The following PNKD variants were observed in gnomAD, a reference collection of about 807,000 sequenced individuals.
PNKD encodes probable thioesterase PNKD.
In PNKD, 36 loss-of-function variants were observed where a neutral mutation model predicts 45.3. The observed-to-expected ratio is 0.80, with a 90% CI of 0.61 to 1.05. The LOEUF (loss-of-function observed/expected upper bound fraction) is 1.05, where lower values mean the gene tolerates loss of function less well. PNKD is among the 50% of genes least tolerant of loss of function. The pLI, the probability that PNKD is intolerant of heterozygous loss-of-function variation, is 0.00. For missense variants in PNKD, 511 were observed against 506.6 expected (o/e 1.01, Z -0.08); for synonymous variants, 197 against 210.1 (o/e 0.94, Z 0.54).
At chr2:218,304,951 T>C in intron 2 of PNKD, among the ~76,000 whole-genome samples, 1 of 151,984 alleles carries the variant, frequency 6.6e-6, no homozygotes, top group East Asian at 1.9e-4. Context: ...CGGGCACCTG[T>C]AGTCCCAGCT....
At chr2:218,335,482 G>GA (rs895615590) in intron 2 of PNKD, among the ~76,000 whole-genome samples, 6 of 148,592 alleles carry the variant, frequency 4.0e-5, no homozygotes, top group South Asian at 4.2e-4. Context: ...ACTCCATCTG[G>GA]AAAAAAAAAA....
chr2:218,323,048 C>G (rs995327640), intron 2 of PNKD: 5 of 593,960 alleles, frequency 8.4e-6, no homozygotes, highest in Admixed American at 9.4e-5. Flanking sequence ...GGCCGCCAGC[C>G]GGGCGGAGCC....
rs758994100 is a variant in PNKD at position 218,341,984 on chromosome 2, C to T, written c.621C>T (p.Pro207=). ...CCCCTGCTCCCTTGTTCCCCAGTCC[C>T]CTGTGTCATCAAGATGTGGTCAGCG... ...PQDGIPYLTH[P]LCHQDVVSVG... is the part of the protein sequence containing the mutation. The change falls in exon 7 of 10, where the codon CCC becomes CCT. Residue 207 remains proline (P), a synonymous_variant. Coordinates refer to ENST00000273077, the MANE Select transcript of PNKD (RefSeq NM_015488.5). 1 of 1,612,642 alleles carries T rather than the reference C, an allele frequency of 6.2e-7. No homozygotes were observed. Among genetic ancestry groups the T allele is most frequent in the South Asian group, 1.1e-5 (1 of 91,054 alleles).
At chr2:218,313,874 C>G (rs1693684281) in intron 2 of PNKD, among the ~76,000 whole-genome samples, 1 of 147,818 alleles carries the variant, frequency 6.8e-6, no homozygotes, top group Non-Finnish European at 1.5e-5. Context: ...AAAATCAAAT[C>G]TCGTTGTTTA....
chr2:218,307,371 C>A (rs1046483880), intron 2 of PNKD, among the ~76,000 whole-genome samples: 6 of 152,136 alleles, frequency 3.9e-5, no homozygotes, highest in East Asian at 1.9e-4. Flanking sequence ...TCAATGGGAA[C>A]CCTGAGCTTG....
intron 2 of PNKD, among the ~76,000 whole-genome samples, chr2:218,311,727 A>T (rs10195115): frequency 2.0e-5 from 3 of 151,754 alleles, no homozygotes; most frequent in African/African-American, 4.8e-5. Flanking sequence ...TTCCCAGGGA[A>T]GAGCAGGAGA....
chr2:218,336,824 T>C (rs1190394461), intron 2 of PNKD, among the ~76,000 whole-genome samples: 2 of 142,968 alleles, frequency 1.4e-5, no homozygotes, highest in Non-Finnish European at 3.0e-5. Context: ...CAGACAGAGT[T>C]TCACTCTTGT....
At position 218,340,250 on chromosome 2, in the gene PNKD, C is replaced by G. The variant is rs1694633978; in HGVS notation, c.465+109C>G. 3 of 732,874 alleles carry G rather than the reference C, an allele frequency of 4.1e-6. No homozygotes were observed. Among genetic ancestry groups the G allele is most frequent in the Non-Finnish European group, 7.4e-6 (3 of 407,444 alleles). 45.4% of individuals were successfully genotyped at this position (732,874 alleles called of 1,614,324 possible). Reference sequence around the variant, plus strand: ...GTCCGTCTGCCCGTGGGATGTGTCCCATATGCTCCATGTTCACACGTGCAC... The same window carrying G: ...GTCCGTCTGCCCGTGGGATGTGTCCGATATGCTCCATGTTCACACGTGCAC... On this transcript the variant is annotated intron_variant, in intron 4 of 9. Transcript: ENST00000273077. The surrounding 1 kb of genome is among the most constrained non-coding windows in gnomAD (Gnocchi z 4.2).
chr2:218,277,536 G>A (rs1044985937), intron 2 of PNKD: 9 of 1,605,046 alleles, frequency 5.6e-6, no homozygotes, highest in South Asian at 1.1e-5. Flanking sequence ...GAGGGGACCT[G>A]CCCAGAATCC....
At chr2:218,301,030 T>A (rs1440728137) in intron 2 of PNKD, among the ~76,000 whole-genome samples, 1 of 152,152 alleles carries the variant, frequency 6.6e-6, no homozygotes, top group East Asian at 1.9e-4. Context: ...GAAATAAGCA[T>A]CAAGGTTTAT....
chr2:218,277,718 G>A, intron 2 of PNKD: 1 of 1,612,408 alleles, frequency 6.2e-7, no homozygotes, highest in Non-Finnish European at 8.5e-7. Flanking sequence ...AAGGAAGGAA[G>A]GCAGGGTGCT....
intron 2 of PNKD, among the ~76,000 whole-genome samples, chr2:218,336,102 C>A (rs1694482491): frequency 6.6e-6 from 1 of 150,776 alleles, no homozygotes; most frequent in African/African-American, 2.4e-5. Flanking sequence ...GTAATCCCAG[C>A]TACTCGGGAG....
At chr2:218,282,060 GC>G in intron 2 of PNKD, 1 of 1,592,304 alleles carries the variant, frequency 6.3e-7, no homozygotes, top group Non-Finnish European at 8.6e-7. Flanking sequence ...ACAGATGGCT[GC>G]CCATAGCCCC....
Position 218,345,229 on chromosome 2 carries a change from G to T in PNKD, c.*248G>T. 1.8e-6 allele frequency: 1 copy of T among 543,854 alleles called. No homozygotes were observed. The highest frequency in any genetic ancestry group is 3.3e-6 in the Non-Finnish European group (1 of 304,336). 33.7% of individuals were successfully genotyped at this position (543,854 alleles called of 1,614,324 possible). On this transcript the variant is annotated 3_prime_UTR_variant, in exon 10 of 10. Coordinates refer to ENST00000273077, the MANE Select transcript of PNKD (RefSeq NM_015488.5). ...TCATCAACGGCAAGAGGAAAGGAGG[G>T]GTCTCGGGACATCTCCAGACCCTAC...
rs972269064 is a variant in PNKD at position 218,273,009 on chromosome 2, T to C, written c.236+1460T>C. ...GGCAGAGGGTGGGGCTGGTTACTCATGTGTGCTCCCTCTCACAGAGCTCAG... is the reference window on the plus strand; with the variant it reads ...GGCAGAGGGTGGGGCTGGTTACTCACGTGTGCTCCCTCTCACAGAGCTCAG... On this transcript the variant is annotated intron_variant, in intron 2 of 9. Coordinates refer to ENST00000273077, the MANE Select transcript of PNKD (RefSeq NM_015488.5). 6.0e-6 allele frequency: 7 copies of C among 1,159,060 alleles called. No homozygotes were observed. In the East Asian group the frequency reaches 1.9e-4, roughly 31 times the overall value. 71.8% of individuals were successfully genotyped at this position (1,159,060 alleles called of 1,614,324 possible).
intron 2 of PNKD, among the ~76,000 whole-genome samples, chr2:218,273,632 C>T (rs527698973): frequency 4.0e-5 from 6 of 150,186 alleles, no homozygotes; most frequent in African/African-American, 1.2e-4. Flanking sequence ...AGGCACTCAC[C>T]GCCACTCCCA....
rs149440322 is a variant in PNKD at position 218,315,288 on chromosome 2, C to T, written c.237-24495C>T. Among the ~76,000 whole-genome samples, 346 of 151,704 alleles carry T rather than the reference C, an allele frequency of 2.3e-3. 4 individuals carry two copies. Among genetic ancestry groups the T allele is most frequent in the African/African-American group, 7.7e-3 (317 of 41,324 alleles). ...TCCCAAGTAGCTGGGACTACAGGCA[C>T]GCGCCACCACGCCCAGCTAATTTTT... is the stretch of plus-strand genomic sequence containing the variant. On this transcript the variant is annotated intron_variant, in intron 2 of 9. Transcript: ENST00000273077.
At chr2:218,323,779 C>T (rs1694064629) in intron 2 of PNKD, among the ~76,000 whole-genome samples, 4 of 151,930 alleles carry the variant, frequency 2.6e-5, no homozygotes, top group Admixed American at 1.3e-4. Context: ...CTGGGAAGAC[C>T]GTCCCTGTCC....
chr2:218,272,055 C>G (rs545658594), intron 2 of PNKD, among the ~76,000 whole-genome samples: 6 of 152,132 alleles, frequency 3.9e-5, no homozygotes, highest in South Asian at 2.1e-4. Context: ...GTATTACATC[C>G]CCATTTCACA....
Sources: gnomAD v4.1 joint callset for allele counts (sites outside exome capture counted in the v4.1 genomes callset) on GRCh38, gnomAD v4.1.1 for gene constraint, Gnocchi (gnomAD v3.1) non-coding constraint, MANE v1.5 for transcripts, NCBI Gene and HGNC (gene_info 2026-07-23, HGNC 2026-07-21) for gene names.